Variants in CEP120 observed in about 807,000 individuals in gnomAD.
The protein encoded by CEP120 is centrosomal protein 120.
CEP120 carries 113 observed loss-of-function variants against 126.5 expected under a neutral mutation model. The ratio of observed to expected loss-of-function variants is 0.89; its 90% CI spans 0.77 to 1.04. CEP120 has a LOEUF of 1.04. CEP120 is among the 50% of genes least tolerant of loss of function. The probability of loss-of-function intolerance (pLI) is 0.00; values close to 1 mark genes in which losing one functional copy is unlikely to be tolerated. For missense variants in CEP120, 1,230 were observed against 1,155.7 expected (o/e 1.06, Z -0.93); for synonymous variants, 400 against 394.3 (o/e 1.01, Z -0.17).
chr5:123,399,258 G>A lies in CEP120; in HGVS notation c.490C>T (p.Pro164Ser), dbSNP rs749824033. 5 of 1,613,970 alleles carry A rather than the reference G, an allele frequency of 3.1e-6. No individual in the cohort carries two copies. The highest frequency in any genetic ancestry group is 4.2e-6 in the Non-Finnish European group (5 of 1,179,966). Residue 164 changes from proline (P) to serine (S), a missense_variant, in exon 5 of 20, where the codon CCC becomes TCC. Physicochemically the swap from Pro to Ser is moderately conservative, Grantham distance 74 (BLOSUM62 -1). Transcript: ENST00000306467. ...KVPAILAGLDPRDIVAVLNEE... is the reference protein window; with the variant it reads ...KVPAILAGLDSRDIVAVLNEE... ...TTCAGCACAGCCACAATGTCCCTGG[G>A]GTCAAGTCCAGCCAGGATGGCAGGT... is the stretch of plus-strand genomic sequence containing the variant.
intron 1 of CEP120, 83 bp from the exon 2 acceptor site, chr5:123,418,598 GGTT>G (rs1774519447): frequency 8.9e-7 from 1 of 1,127,486 alleles, no homozygotes; most frequent in South Asian, 2.2e-5. Flanking sequence ...TTGTTTGGCT[GGTT>G]TTTTTTTTTT....
intron 18 of CEP120, among the ~76,000 whole-genome samples, chr5:123,351,204 C>G (rs1769175688): frequency 6.6e-6 from 1 of 152,136 alleles, no homozygotes; most frequent in Non-Finnish European, 1.5e-5. Context: ...AGTCACTAAC[C>G]ATTCACCTTT....
Position 123,423,387 on chromosome 5 carries a change from G to A in CEP120, c.-389C>T, listed in dbSNP as rs1774857232. 1 of 275,672 alleles carries A rather than the reference G, an allele frequency of 3.6e-6. No homozygotes were observed. Among genetic ancestry groups the A allele is most frequent in the Non-Finnish European group, 7.0e-6 (1 of 143,856 alleles). The allele number at this position is 275,672 out of a possible 1,614,324, so 17.1% of individuals were successfully genotyped here. A position where few individuals can be genotyped will look rare whatever the true frequency, so the allele number is the denominator to read the frequency against. On this transcript the variant is annotated 5_prime_UTR_variant, in exon 1 of 20. Transcript: ENST00000306467. Reference sequence around the variant, plus strand: ...CAGGCCCGCAGGCCCAGTGCCCAGGGGAGGTTGGAGGACAACGGGTGATAG... The same window carrying A: ...CAGGCCCGCAGGCCCAGTGCCCAGGAGAGGTTGGAGGACAACGGGTGATAG...
chr5:123,361,920 T>A (rs1323989354), intron 18 of CEP120, among the ~76,000 whole-genome samples: 1 of 151,736 alleles, frequency 6.6e-6, no homozygotes, highest in Non-Finnish European at 1.5e-5. Context: ...TCAGAGAAAT[T>A]CCCAAAGTCA....
chr5:123,357,376 A>G (rs921416898), intron 18 of CEP120, among the ~76,000 whole-genome samples: 1 of 151,988 alleles, frequency 6.6e-6, no homozygotes, highest in Non-Finnish European at 1.5e-5. Flanking sequence ...CTTTCTCCCC[A>G]TTCTTTCTCC....
At chr5:123,370,746 T>C (rs1580662151) in intron 17 of CEP120, among the ~76,000 whole-genome samples, 1 of 147,412 alleles carries the variant, frequency 6.8e-6, no homozygotes, top group South Asian at 2.1e-4. Context: ...ATGTATGTAT[T>C]ATAATATATA....
chr5:123,375,226 T>C (rs536660103), intron 16 of CEP120, among the ~76,000 whole-genome samples: 1 of 152,274 alleles, frequency 6.6e-6, no homozygotes, highest in South Asian at 2.1e-4. Flanking sequence ...AATACAAGTG[T>C]GCTCCAAGTA....
intron 10 of CEP120, among the ~76,000 whole-genome samples, chr5:123,385,957 G>T (rs949146828): frequency 1.8e-4 from 27 of 152,010 alleles, no homozygotes; most frequent in African/African-American, 6.3e-4. Context: ...TTCAAATGCT[G>T]TAATTCCCAC....
At chr5:123,418,986 T>A (rs765764328) in intron 1 of CEP120, among the ~76,000 whole-genome samples, 19 of 152,178 alleles carry the variant, frequency 1.2e-4, no homozygotes, top group Non-Finnish European at 1.2e-4. Flanking sequence ...ACTTCCATAA[T>A]TCATAAGAAA....
chr5:123,421,648 ATAT>A (rs1030177762), intron 1 of CEP120, among the ~76,000 whole-genome samples: 3 of 151,256 alleles, frequency 2.0e-5, no homozygotes, highest in Non-Finnish European at 4.4e-5. Context: ...CATATTTTAA[ATAT>A]TATACCCCAA....
At chr5:123,363,649 T>A (rs901334300) in intron 18 of CEP120, among the ~76,000 whole-genome samples, 2 of 151,510 alleles carry the variant, frequency 1.3e-5, no homozygotes, top group African/African-American at 4.8e-5. Context: ...CCTACCCTAG[T>A]TTTTAATTCT....
chr5:123,388,362 G>A lies in CEP120; in HGVS notation c.1430+70C>T, dbSNP rs1772161495. On this transcript the variant is annotated intron_variant, in intron 9 of 19. Transcript: ENST00000306467. ...AACTTCTTTGGTGACATTTCTCTCT[G>A]CAATTCCCCAAACACAGGAAAGTCC... 5 of 1,065,248 alleles carry A rather than the reference G, an allele frequency of 4.7e-6. No homozygotes were observed. In the South Asian group the frequency reaches 8.6e-5, roughly 18 times the overall value. The allele number at this position is 1,065,248 out of a possible 1,614,324, so 66.0% of individuals were successfully genotyped here. A position where few individuals can be genotyped will look rare whatever the true frequency, so the allele number is the denominator to read the frequency against.
At position 123,418,454 on chromosome 5, in the gene CEP120, T is replaced by TTC. The variant is rs1195825877; in HGVS notation, c.109_110dup (p.Gln38AsnfsTer20). ...GGTCCACAGGATCAGTAGCCAACTG[T>TTC]TCTCCATCAAACTTTGCTTCCACTA... On this transcript the variant is annotated frameshift_variant, in exon 2 of 20. Coordinates refer to ENST00000306467, the MANE Select transcript of CEP120 (RefSeq NM_001375405.1). LOFTEE classifies it high-confidence loss of function. The TTC allele has an allele frequency of 6.2e-7, 1 of 1,612,334 alleles. No homozygotes were observed. Among genetic ancestry groups the TTC allele is most frequent in the Non-Finnish European group, 8.5e-7 (1 of 1,178,664 alleles).
Position 123,383,037 on chromosome 5 carries a change from T to A in CEP120, c.1809A>T (p.Glu603Asp). Reference protein sequence around the residue: ...IADLSYTVTLEDYGLVKMREI... With the variant: ...IADLSYTVTLDDYGLVKMREI... ...CACGCATTTTTACTAGTCCATAATC[T>A]TCTAGAGTCACTGTGTAAGAAAGAT... is the stretch of plus-strand genomic sequence containing the variant. The change falls in exon 12 of 20, where the codon GAA (glutamate) becomes GAT (aspartate). Residue 603 changes from glutamate (E) to aspartate (D), a missense_variant. By Grantham distance (45) the Glu-to-Asp change is conservative. Coordinates refer to ENST00000306467, the MANE Select transcript of CEP120 (RefSeq NM_001375405.1). 1 of 1,585,388 alleles carries A rather than the reference T, an allele frequency of 6.3e-7. No homozygotes were observed. The highest frequency in any genetic ancestry group is 2.2e-5 in the East Asian group (1 of 44,654).
chr5:123,409,989 A>ACC (rs1217514404), intron 4 of CEP120, among the ~76,000 whole-genome samples: 18,732 of 94,928 alleles, frequency 0.2, 1,334 homozygotes, highest in Non-Finnish European at 0.24. Context: ...AAAAAAAAAA[A>ACC]AACCACACAC....
intron 3 of CEP120, among the ~76,000 whole-genome samples, chr5:123,414,280 T>C (rs1774248226): frequency 6.6e-6 from 1 of 152,156 alleles, no homozygotes; most frequent in African/African-American, 2.4e-5. Flanking sequence ...AAGCCCAGGG[T>C]CTAAAACTAA....
rs539956861 is a variant in CEP120 at position 123,377,548 on chromosome 5, G to C, written c.2197-13C>G. On this transcript the variant is annotated splice_polypyrimidine_tract_variant and intron_variant, in intron 15 of 19. Transcript: ENST00000306467. ...TTTCTCTTTGAAGCTTAAAACAAAG[G>C]CATCTTTAAGAGGTTGGTTTATTGC... The C allele has an allele frequency of 6.4e-7, 1 of 1,566,530 alleles. No individual in the cohort carries two copies. Among genetic ancestry groups the C allele is most frequent in the East Asian group, 2.3e-5 (1 of 43,738 alleles).
chr5:123,401,329 G>A (rs371576078), intron 4 of CEP120: 33 of 1,603,230 alleles, frequency 2.1e-5, no homozygotes, highest in Middle Eastern at 3.5e-4. Flanking sequence ...CACACTGCTC[G>A]GCATCTGCAA....
intron 18 of CEP120, among the ~76,000 whole-genome samples, chr5:123,359,652 C>T (rs867113293): frequency 1.3e-5 from 2 of 151,934 alleles, no homozygotes; most frequent in African/African-American, 4.8e-5. Context: ...ATCACTTCCT[C>T]GTTTTCTAAA....
Sources: allele counts gnomAD v4.1 joint callset (sites outside exome capture counted in the v4.1 genomes callset), GRCh38; gene constraint gnomAD v4.1.1; transcripts MANE v1.5; gene names NCBI Gene and HGNC (gene_info 2026-07-23, HGNC 2026-07-21).